TNR: variants seen among roughly 807,000 people sequenced by gnomAD.
The protein encoded by TNR is tenascin R.
A neutral mutation model predicts 150.4 loss-of-function variants in TNR; 45 were observed. That is an observed-to-expected ratio of 0.30 (90% CI 0.24 to 0.38). TNR has a LOEUF of 0.38. TNR is among the 10% of genes least tolerant of loss of function. The pLI is 1.00. For synonymous variants in TNR, 687 were observed against 678.4 expected, an observed-to-expected ratio of 1.01 and a Z score of -0.20; for missense variants, 1,544 against 1,759.1, an observed-to-expected ratio of 0.88 and a Z score of 2.19.
At chr1:175,614,705 C>T (rs1430020814) in intron 1 of TNR, among the ~76,000 whole-genome samples, 1 of 152,176 alleles carries the variant, frequency 6.6e-6, no homozygotes, top group Non-Finnish European at 1.5e-5. Flanking sequence ...GGCTCCCCTG[C>T]CGTGTTCCTC....
chr1:175,394,760 G>A (rs970003436), intron 5 of TNR, among the ~76,000 whole-genome samples: 10 of 152,222 alleles, frequency 6.6e-5, no homozygotes, highest in Non-Finnish European at 1.5e-4. Context: ...TGGTTGGAAG[G>A]CAGGGCTGAC....
At chr1:175,375,901 C>T (rs373887729) in intron 9 of TNR, among the ~76,000 whole-genome samples, 1 of 152,320 alleles carries the variant, frequency 6.6e-6, no homozygotes, top group African/African-American at 2.4e-5. Context: ...ATTTAATTCT[C>T]GCTACAACCC....
chr1:175,372,184 A>T (rs1310389402), intron 9 of TNR, among the ~76,000 whole-genome samples: 4 of 152,216 alleles, frequency 2.6e-5, no homozygotes, highest in Admixed American at 1.3e-4. Flanking sequence ...GGCCCTCACC[A>T]GAAGCAGATT....
rs138812845 is a variant in TNR, at chr1:175,589,572, A to T, written c.-164-61203T>A. 5.6e-4 allele frequency among the ~76,000 whole-genome samples: 85 copies of T among 152,372 alleles called. 1 individual carries two copies. The East Asian group carries it at 0.014, about 25-fold the overall frequency. ...CATATAATTAATGCAAAAAACAGGTAGGATGAACAAAATTTTAAAATTTTA... is the reference window on the plus strand; with the variant it reads ...CATATAATTAATGCAAAAAACAGGTTGGATGAACAAAATTTTAAAATTTTA... On this transcript the variant is annotated intron_variant, in intron 1 of 22. Coordinates refer to ENST00000367674, the MANE Select transcript of TNR (RefSeq NM_003285.3).
chr1:175,335,080 A>G (rs182128358), intron 20 of TNR, among the ~76,000 whole-genome samples: 74 of 152,284 alleles, frequency 4.9e-4, no homozygotes, highest in African/African-American at 1.7e-3. Context: ...ATCCATCACT[A>G]TGAAAATCTA....
intron 20 of TNR, 116 bp downstream of exon 20, chr1:175,335,595 C>G: frequency 1.1e-6 from 1 of 951,420 alleles, no homozygotes; most frequent in East Asian, 2.4e-5. Flanking sequence ...AATTCAGGAG[C>G]TGTTAGCTTC....
intron 6 of TNR, among the ~76,000 whole-genome samples, chr1:175,393,272 T>C (rs551422256): frequency 6.6e-6 from 1 of 152,350 alleles, no homozygotes; most frequent in East Asian, 1.9e-4. Context: ...TACAAATGTA[T>C]TATGAATAAT....
chr1:175,562,297 C>G (rs1040894834), intron 1 of TNR, among the ~76,000 whole-genome samples: 5 of 152,200 alleles, frequency 3.3e-5, no homozygotes, highest in African/African-American at 9.6e-5. Context: ...TCTAACCAAG[C>G]CTTCCACCCT....
intron 1 of TNR, among the ~76,000 whole-genome samples, chr1:175,632,873 G>A (rs1481601843): frequency 6.6e-6 from 1 of 152,140 alleles, no homozygotes; most frequent in Non-Finnish European, 1.5e-5. Flanking sequence ...ACATTAAACT[G>A]AGACTCTCTC....
chr1:175,468,891 G>A (rs748622634), intron 2 of TNR, among the ~76,000 whole-genome samples: 6 of 152,066 alleles, frequency 3.9e-5, no homozygotes, highest in South Asian at 2.1e-4. Flanking sequence ...CAAAGCTGGC[G>A]GCCTTGGGGA....
chr1:175,442,049 C>G (rs141377965), intron 2 of TNR, among the ~76,000 whole-genome samples: 4 of 152,302 alleles, frequency 2.6e-5, no homozygotes, highest in Admixed American at 6.5e-5. Flanking sequence ...ATGGTGGAGT[C>G]TCTGGGACTG....
chr1:175,484,393 T>C (rs193039939), intron 2 of TNR, among the ~76,000 whole-genome samples: 72 of 152,314 alleles, frequency 4.7e-4, no homozygotes, highest in Middle Eastern at 3.4e-3. Context: ...ATGTTCCAGT[T>C]CTTCACTTTA....
At chr1:175,371,620 C>T (rs1311420952) in intron 9 of TNR, among the ~76,000 whole-genome samples, 1 of 152,188 alleles carries the variant, frequency 6.6e-6, no homozygotes, top group Non-Finnish European at 1.5e-5. Context: ...TTTTGAGTGT[C>T]TGATGGTAAA....
chr1:175,377,775 C>G (rs1354624315), intron 9 of TNR, among the ~76,000 whole-genome samples: 1 of 152,200 alleles, frequency 6.6e-6, no homozygotes, highest in African/African-American at 2.4e-5. Context: ...TCTATCAAGA[C>G]AGCAAATACT....
At chr1:175,742,493 A>C (rs1245530695) in intron 1 of TNR, among the ~76,000 whole-genome samples, 1 of 152,156 alleles carries the variant, frequency 6.6e-6, no homozygotes, top group East Asian at 1.9e-4. Flanking sequence ...TTGCAAATGT[A>C]ATATAACCCA....
At chr1:175,498,518 G>A (rs531248123) in intron 2 of TNR, among the ~76,000 whole-genome samples, 1 of 152,216 alleles carries the variant, frequency 6.6e-6, no homozygotes, top group Non-Finnish European at 1.5e-5. Context: ...TGGTATGAGA[G>A]AGCAAAATAG....
intron 2 of TNR, among the ~76,000 whole-genome samples, chr1:175,432,332 A>C (rs1354841176): frequency 6.6e-6 from 1 of 152,244 alleles, no homozygotes; most frequent in African/African-American, 2.4e-5. Context: ...AAAGACTGGA[A>C]CAACTGTGGT....
chr1:175,586,662 C>T (rs1028247708), intron 1 of TNR, among the ~76,000 whole-genome samples: 8 of 152,148 alleles, frequency 5.3e-5, no homozygotes, highest in Non-Finnish European at 7.4e-5. Flanking sequence ...GTATAGGTGG[C>T]CCCCATAAAT....
chr1:175,677,553 G>A (rs1395176725), intron 1 of TNR, among the ~76,000 whole-genome samples: 1 of 152,176 alleles, frequency 6.6e-6, no homozygotes, highest in Non-Finnish European at 1.5e-5. Flanking sequence ...AACATTGCAG[G>A]CCTTTCTCTG....
Sources: gnomAD v4.1 joint callset for allele counts (sites outside exome capture counted in the v4.1 genomes callset) on GRCh38, gnomAD v4.1.1 for gene constraint, MANE v1.5 for transcripts, NCBI Gene and HGNC (gene_info 2026-07-23, HGNC 2026-07-21) for gene names.